LRRC4C: variants seen among roughly 807,000 people sequenced by gnomAD.
LRRC4C encodes the protein leucine rich repeat containing 4C.
Under a neutral mutation model 33.6 loss-of-function variants are expected in LRRC4C, and 5 were observed. The observed-to-expected ratio is 0.15, with a 90% CI of 0.08 to 0.31. The LOEUF (loss-of-function observed/expected upper bound fraction) is 0.31, where lower values mean the gene tolerates loss of function less well. Ranked by LOEUF, LRRC4C falls within the 10% of genes least tolerant of loss-of-function variation. LRRC4C has a pLI of 1.00. For missense variants in LRRC4C, 560 were observed against 796.7 expected (o/e 0.70, Z 3.58); for synonymous variants, 329 against 302.0 (o/e 1.09, Z -0.93).
At chr11:41,426,903 CATGG>C (rs1297420126) in intron 1 of LRRC4C, among the ~76,000 whole-genome samples, 9 of 152,160 alleles carry the variant, frequency 5.9e-5, no homozygotes, top group African/African-American at 9.7e-5. Flanking sequence ...CTTCCATAAG[CATGG>C]CTGCTGGTGA....
intron 1 of LRRC4C, among the ~76,000 whole-genome samples, chr11:40,979,988 T>G (rs1852392651): frequency 6.6e-6 from 1 of 152,132 alleles, no homozygotes; most frequent in Admixed American, 6.6e-5. Context: ...TCTGCGACAT[T>G]TAGGTGGCAT....
chr11:41,030,815 C>CATATAT (rs1040614253), intron 1 of LRRC4C, among the ~76,000 whole-genome samples: 8 of 151,520 alleles, frequency 5.3e-5, no homozygotes, highest in Middle Eastern at 3.2e-3. Flanking sequence ...CATACACACA[C>CATATAT]ATATATATAT....
At chr11:41,118,595 C>T (rs1383266897) in intron 1 of LRRC4C, among the ~76,000 whole-genome samples, 3 of 152,184 alleles carry the variant, frequency 2.0e-5, no homozygotes, top group African/African-American at 7.2e-5. Flanking sequence ...ATTCGTTTCT[C>T]AATTGGTAAA....
At chr11:40,661,831 T>A (rs139724730) in intron 2 of LRRC4C, among the ~76,000 whole-genome samples, 1 of 152,324 alleles carries the variant, frequency 6.6e-6, no homozygotes, top group East Asian at 1.9e-4. Context: ...TTATAGTCTA[T>A]GTGTCAACTC....
At chr11:40,531,401 A>G (rs576961995) in intron 3 of LRRC4C, among the ~76,000 whole-genome samples, 3 of 152,228 alleles carry the variant, frequency 2.0e-5, no homozygotes, top group African/African-American at 7.2e-5. Context: ...CTAAGTACAA[A>G]GGGACTGTGA....
chr11:40,749,200 C>G (rs1165032302), intron 2 of LRRC4C, among the ~76,000 whole-genome samples: 1 of 152,030 alleles, frequency 6.6e-6, no homozygotes, highest in Non-Finnish European at 1.5e-5. Context: ...GGAAAAGTCT[C>G]TAGGATAGAC....
intron 3 of LRRC4C, among the ~76,000 whole-genome samples, chr11:40,394,066 T>G (rs890699117): frequency 6.6e-6 from 1 of 151,664 alleles, no homozygotes; most frequent in African/African-American, 2.4e-5. Flanking sequence ...ACAGAAAGGA[T>G]AAAAATGAAA....
intron 2 of LRRC4C, among the ~76,000 whole-genome samples, chr11:40,651,135 A>G (rs370159396): frequency 6.6e-6 from 1 of 152,224 alleles, no homozygotes; most frequent in Non-Finnish European, 1.5e-5. Flanking sequence ...TAAATGAAAG[A>G]TATAGCAGAG....
chr11:40,194,618 CG>C (rs947357543), intron 5 of LRRC4C, among the ~76,000 whole-genome samples: 2 of 132,452 alleles, frequency 1.5e-5, no homozygotes, highest in Admixed American at 7.6e-5. Context: ...TGGGGCCTGT[CG>C]GGGGGTGGGG....
At chr11:41,305,775 G>A (rs1950480807) in intron 1 of LRRC4C, among the ~76,000 whole-genome samples, 1 of 125,044 alleles carries the variant, frequency 8.0e-6, no homozygotes, top group Admixed American at 8.4e-5. Flanking sequence ...GCGGAAGGCC[G>A]CAGGGTCCTC....
At chr11:40,140,994 C>T (rs933865161) in intron 5 of LRRC4C, 141 bp from the exon 6 acceptor site, 3 of 152,600 alleles carry the variant, frequency 2.0e-5, no homozygotes, top group Non-Finnish European at 4.4e-5. Flanking sequence ...TGTATTTTAA[C>T]ACTATCCTGG....
At chr11:41,009,429 A>G (rs1855010688) in intron 1 of LRRC4C, among the ~76,000 whole-genome samples, 1 of 152,124 alleles carries the variant, frequency 6.6e-6, no homozygotes, top group African/African-American at 2.4e-5. Context: ...GATTAGAGAC[A>G]CTGATGTTTT....
At chr11:40,478,089 G>A (rs1179790326) in intron 3 of LRRC4C, among the ~76,000 whole-genome samples, 2 of 152,110 alleles carry the variant, frequency 1.3e-5, no homozygotes, top group African/African-American at 2.4e-5. Context: ...TTCCAGCCAC[G>A]TGGAACTGTA....
At chr11:41,010,699 A>T (rs754254484) in intron 1 of LRRC4C, among the ~76,000 whole-genome samples, 1 of 152,228 alleles carries the variant, frequency 6.6e-6, no homozygotes, top group African/African-American at 2.4e-5. Flanking sequence ...GAGATTAGAA[A>T]GTAAATAAAT....
chr11:40,484,651 T>TATTAAATATCAAAC (rs1293135104), intron 3 of LRRC4C, among the ~76,000 whole-genome samples: 1 of 152,040 alleles, frequency 6.6e-6, no homozygotes, highest in East Asian at 1.9e-4. Context: ...TTTAAATGCT[T>TATTAAATATCAAAC]TAAAAAATTA....
chr11:40,171,086 C>G (rs971022831), intron 5 of LRRC4C, among the ~76,000 whole-genome samples: 1 of 151,924 alleles, frequency 6.6e-6, no homozygotes, highest in African/African-American at 2.4e-5. Flanking sequence ...AGAAACGTAA[C>G]AATACCTTAT....
chr11:40,440,570 T>A (rs1951348325), intron 3 of LRRC4C, among the ~76,000 whole-genome samples: 1 of 152,184 alleles, frequency 6.6e-6, no homozygotes, highest in Non-Finnish European at 1.5e-5. Context: ...CAGGAAAGAA[T>A]TTTCATATTC....
intron 1 of LRRC4C, among the ~76,000 whole-genome samples, chr11:41,131,162 C>T (rs1203506381): frequency 6.6e-6 from 1 of 151,958 alleles, no homozygotes; most frequent in Non-Finnish European, 1.5e-5. Context: ...TTGTGCCTTA[C>T]AGAAAGCAAA....
chr11:41,109,981 A>G (rs1941735421), intron 1 of LRRC4C, among the ~76,000 whole-genome samples: 1 of 152,194 alleles, frequency 6.6e-6, no homozygotes, highest in East Asian at 1.9e-4. Flanking sequence ...TACCAAAGAC[A>G]AAATGCAACA....
Sources: gnomAD v4.1 joint callset for allele counts (sites outside exome capture counted in the v4.1 genomes callset) on GRCh38, gnomAD v4.1.1 for gene constraint, MANE v1.5 for transcripts, NCBI Gene and HGNC (gene_info 2026-07-23, HGNC 2026-07-21) for gene names.